The following DCAF10 variants were observed in gnomAD, a reference collection of about 807,000 sequenced individuals.
DCAF10 encodes the protein DDB1 and CUL4 associated factor 10, also known as DDB1- and CUL4-associated factor 10.
A neutral mutation model predicts 51.9 loss-of-function variants in DCAF10; 19 were observed. The observed-to-expected ratio is 0.37, with a 90% CI of 0.26 to 0.54. The LOEUF is 0.54. Ranked by LOEUF, DCAF10 falls within the 20% of genes least tolerant of loss-of-function variation. The probability of loss-of-function intolerance (pLI) is 0.87; values close to 1 mark genes in which losing one functional copy is unlikely to be tolerated. For synonymous variants in DCAF10, 291 were observed against 297.1 expected (o/e 0.98, Z 0.21); for missense variants, 510 against 730.6 (o/e 0.70, Z 3.48).
chr9:37,856,894 C>A (rs1236756770), intron 4 of DCAF10, among the ~76,000 whole-genome samples: 2 of 151,990 alleles, frequency 1.3e-5, no homozygotes, highest in East Asian at 3.9e-4. Flanking sequence ...TTGTTTGGAC[C>A]CTATTTTAAC....
intron 3 of DCAF10, among the ~76,000 whole-genome samples, chr9:37,848,017 T>G (rs1198761486): frequency 6.6e-6 from 1 of 152,188 alleles, no homozygotes; most frequent in Non-Finnish European, 1.5e-5. Context: ...GGGGAGATAG[T>G]CCATGTTCAT....
At chr9:37,850,827 TATATATATATATATATATATATATATATA>T (rs1830615130) in intron 3 of DCAF10, among the ~76,000 whole-genome samples, 2 of 66,060 alleles carry the variant, frequency 3.0e-5, no homozygotes, top group African/African-American at 1.4e-4. Flanking sequence ...GGATATATTT[TATATATATATATATATATATATATATATA>T]TATATATATA....
intron 1 of DCAF10, among the ~76,000 whole-genome samples, chr9:37,805,811 G>A (rs1320131774): frequency 3.3e-5 from 5 of 152,178 alleles, no homozygotes; most frequent in African/African-American, 4.8e-5. Context: ...GTAGCTTGGC[G>A]CAGTGGCTCA....
intron 2 of DCAF10, among the ~76,000 whole-genome samples, chr9:37,820,647 C>T (rs1314808660): frequency 3.3e-5 from 5 of 151,984 alleles, no homozygotes; most frequent in South Asian, 2.1e-4. Flanking sequence ...AATGGAGCCC[C>T]GAAATGTCAT....
chr9:37,850,861 T>A (rs868304731), intron 3 of DCAF10, among the ~76,000 whole-genome samples: 9 of 83,500 alleles, frequency 1.1e-4, no homozygotes, highest in South Asian at 4.0e-4. Context: ...TATATATATA[T>A]ATATATATAT....
chr9:37,800,613 A>G (rs2118997194), upstream of DCAF10: 1 of 1,536,088 alleles, frequency 6.5e-7, no homozygotes, highest in East Asian at 2.4e-5. Context: ...TCTGCCACCC[A>G]GATCAGGTGC....
At chr9:37,845,902 G>T (rs2118070928) in intron 3 of DCAF10, among the ~76,000 whole-genome samples, 1 of 152,232 alleles carries the variant, frequency 6.6e-6, no homozygotes, top group African/African-American at 2.4e-5. Flanking sequence ...ACTAATAAAA[G>T]AGCAGGTCTG....
rs557120744 is a variant in DCAF10 at position 37,866,984 on chromosome 9, C to T, written c.*5476C>T. The T allele has an allele frequency of 3.9e-5, 6 of 152,192 alleles. No homozygotes were observed. The South Asian group carries it at 1.0e-3, about 26-fold the overall frequency. The allele number at this position is 152,192 out of a possible 1,614,324, so 9.4% of individuals were successfully genotyped here. On this transcript the variant is annotated 3_prime_UTR_variant, in exon 7 of 7. Transcript: ENST00000377724. ...ATTAAAACATAGGCTTAAATTATCA[C>T]GTATTGTTACAAAGACACAGTTTTG... is the stretch of plus-strand genomic sequence containing the variant.
chr9:37,826,434 G>T (rs1198130714), intron 2 of DCAF10, among the ~76,000 whole-genome samples: 1 of 152,226 alleles, frequency 6.6e-6, no homozygotes, highest in Non-Finnish European at 1.5e-5. Flanking sequence ...GGCTGATGGG[G>T]TGTGGATGCT....
chr9:37,819,424 G>T (rs1589085176), intron 2 of DCAF10, 23 bp downstream of exon 2: 2 of 1,575,002 alleles, frequency 1.3e-6, no homozygotes, highest in South Asian at 2.3e-5. Flanking sequence ...GTGAAAAAGT[G>T]AACTTTATCA....
chr9:37,860,056 C>A lies in DCAF10; in HGVS notation c.1174C>A (p.Pro392Thr). ...ATTTTCTTATATCTCAGGAGTTTCA[C>A]CACGAAATAGTCTTGAAGTCGTAAC... ...SRASQREGVS[P>T]RNSLEVVTPE... Residue 392 changes from proline (P) to threonine (T), a missense_variant, in exon 6 of 7, where the codon CCA becomes ACA. Physicochemically the swap from Pro to Thr is conservative, Grantham distance 38 (BLOSUM62 -1). Coordinates refer to ENST00000377724, the MANE Select transcript of DCAF10 (RefSeq NM_024345.5). 1 of 1,614,010 alleles carries A rather than the reference C, an allele frequency of 6.2e-7. No homozygotes were observed. Among genetic ancestry groups the A allele is most frequent in the Non-Finnish European group, 8.5e-7 (1 of 1,179,968 alleles).
In DCAF10 at chr9:37,857,245, G is replaced by A; in HGVS notation, c.1059G>A (p.Leu353=). 1 of 1,588,660 alleles carries A rather than the reference G, an allele frequency of 6.3e-7. No homozygotes were observed. Among genetic ancestry groups the A allele is most frequent in the African/African-American group, 1.4e-5 (1 of 73,294 alleles). The change falls in exon 5 of 7, where the codon TTG becomes TTA. Residue 353 remains leucine, a synonymous_variant. Coordinates refer to ENST00000377724, the MANE Select transcript of DCAF10 (RefSeq NM_024345.5). ...RARRTTSSSD[L]TTSSSSSGPR... is the part of the protein sequence containing the mutation. The stretch of plus-strand genomic sequence containing the variant: ...AGAATTTTTTATATTTTTAAGATTT[G>A]ACCACTTCATCAAGTTCATCTGGTC...
intron 1 of DCAF10, among the ~76,000 whole-genome samples, chr9:37,802,843 C>T (rs1433607614): frequency 6.6e-6 from 1 of 152,112 alleles, no homozygotes; most frequent in Non-Finnish European, 1.5e-5. Flanking sequence ...TCAGCCAAGC[C>T]CTATTCCTAA....
At chr9:37,825,185 A>T (rs1241106668) in intron 2 of DCAF10, among the ~76,000 whole-genome samples, 1 of 152,180 alleles carries the variant, frequency 6.6e-6, no homozygotes, top group East Asian at 1.9e-4. Context: ...TAGTGTGTTG[A>T]TTCCTCAAAG....
At position 37,800,873 on chromosome 9, in the gene DCAF10, C is replaced by T. The variant is rs188274787; in HGVS notation, c.7C>T (p.Pro3Ser). 456 of 1,492,556 alleles carry T rather than the reference C, an allele frequency of 3.1e-4. 1 individual carries two copies. The African/African-American group carries it at 5.3e-3, about 17-fold the overall frequency. The allele number at this position is 1,492,556 out of a possible 1,614,324, so 92.5% of individuals were successfully genotyped here. The change falls in exon 1 of 7, where the codon CCC becomes TCC. Residue 3 changes from proline (P) to serine (S), a missense_variant. By Grantham distance (74) the Pro-to-Ser change is moderately conservative (BLOSUM62 -1). Around this residue, in one of 4 missense-constraint regions of DCAF10, gnomAD observed 251 missense variants for 227.9 expected, o/e 1.10. Coordinates refer to ENST00000377724, the MANE Select transcript of DCAF10 (RefSeq NM_024345.5). MF[P>S]FGPHSPGGDG... ...GGGGGCGGGGGCGTTGATCATGTTT[C>T]CCTTTGGGCCCCATAGCCCTGGAGG...
chr9:37,826,021 C>G (rs777661453), intron 2 of DCAF10, among the ~76,000 whole-genome samples: 1 of 145,676 alleles, frequency 6.9e-6, no homozygotes, highest in Non-Finnish European at 1.5e-5. Flanking sequence ...AGCGACAGAG[C>G]GAGACTCCAT....
At chr9:37,832,467 A>G (rs564464219) in intron 2 of DCAF10, among the ~76,000 whole-genome samples, 138 of 152,310 alleles carry the variant, frequency 9.1e-4, no homozygotes, top group African/African-American at 3.2e-3. Flanking sequence ...TCAAAAAAAA[A>G]AAAAAATTGA....
chr9:37,861,019 G>A lies in DCAF10; in HGVS notation c.1312-121G>A. 1 of 1,371,962 alleles carries A rather than the reference G, an allele frequency of 7.3e-7. No homozygotes were observed. Among genetic ancestry groups the A allele is most frequent in the Non-Finnish European group, 9.8e-7 (1 of 1,019,520 alleles). The allele number at this position is 1,371,962 out of a possible 1,614,324, so 85.0% of individuals were successfully genotyped here. ...GTTGGGAGGGGGATAGCATTATTCT[G>A]AGTGATTTCTTGTAAAAATTCTGTG... On this transcript the variant is annotated intron_variant, in intron 6 of 6. Coordinates refer to ENST00000377724, the MANE Select transcript of DCAF10 (RefSeq NM_024345.5). The surrounding 1 kb of genome is among the most constrained non-coding windows in gnomAD (Gnocchi z 4.9).
At chr9:37,831,052 G>A (rs553292410) in intron 2 of DCAF10, among the ~76,000 whole-genome samples, 3 of 152,198 alleles carry the variant, frequency 2.0e-5, no homozygotes, top group South Asian at 4.2e-4. Context: ...GTGAAACCCC[G>A]TCTCTATTAA....
Sources: allele counts gnomAD v4.1 joint callset (sites outside exome capture counted in the v4.1 genomes callset), GRCh38; gene constraint gnomAD v4.1.1; regional missense constraint gnomAD v4.1.1; non-coding constraint Gnocchi (gnomAD v3.1); transcripts MANE v1.5; gene names NCBI Gene and HGNC (gene_info 2026-07-23, HGNC 2026-07-21).